ELAVL3: variants seen among roughly 807,000 people sequenced by gnomAD.
ELAVL3 encodes ELAV like RNA binding protein 3.
Under a neutral mutation model 34.2 loss-of-function variants are expected in ELAVL3, and 8 were observed. The observed-to-expected ratio is 0.23, with a 90% CI of 0.14 to 0.42. ELAVL3 has a LOEUF of 0.42. Among genes scored for constraint, ELAVL3 ranks in the 10% least tolerant of loss-of-function variants. The pLI is 1.00. For missense variants in ELAVL3, 273 were observed against 518.8 expected (o/e 0.53, Z 4.60); for synonymous variants, 209 against 222.1 (o/e 0.94, Z 0.53).
In ELAVL3 at chr19:11,468,185, T is replaced by C. The variant is rs529095054; in HGVS notation, c.10-1358A>G. 8.5e-5 allele frequency among the ~76,000 whole-genome samples: 13 copies of C among 152,338 alleles called. No individual in the cohort carries two copies. The South Asian group carries it at 1.7e-3, about 19-fold the overall frequency. On this transcript the variant is annotated intron_variant, in intron 1 of 6. Coordinates refer to ENST00000359227, the MANE Select transcript of ELAVL3 (RefSeq NM_001420.4). The stretch of plus-strand genomic sequence containing the variant: ...ATTCCTATCCCAAATGTGCTAATTA[T>C]GTCTTTTGCTTCATGCATAAGTTTC...
chr19:11,466,844 G>C lies in ELAVL3; in HGVS notation c.10-17C>G. On this transcript the variant is annotated splice_polypyrimidine_tract_variant and intron_variant, in intron 1 of 6. Coordinates refer to ENST00000359227, the MANE Select transcript of ELAVL3 (RefSeq NM_001420.4). This position sits in a 1 kb window ranked among gnomAD's most constrained non-coding sequence, Gnocchi z 5.0. ...CAGTATCTGCTGGAGATAACAGGTC[G>C]CATCCGCTCACCGCCCAGTCCCCAC... 6.4e-7 allele frequency: 1 copy of C among 1,573,350 alleles called. No individual in the cohort carries two copies. Among genetic ancestry groups the C allele is most frequent in the Non-Finnish European group, 8.6e-7 (1 of 1,158,126 alleles).
At chr19:11,471,932 C>G (rs694857) in intron 1 of ELAVL3, among the ~76,000 whole-genome samples, 45,236 of 152,166 alleles carry the variant, frequency 0.3, 11,335 homozygotes, top group African/African-American at 0.69. Context: ...AAATCAGCAG[C>G]AAACAGTGCT....
chr19:11,481,023 C>A lies in ELAVL3; in HGVS notation c.-415G>T, dbSNP rs1324874772. The A allele has an allele frequency of 5.8e-6, 1 of 172,304 alleles. No individual in the cohort carries two copies. Among genetic ancestry groups the A allele is most frequent in the Non-Finnish European group, 1.2e-5 (1 of 81,982 alleles). 10.7% of individuals were successfully genotyped at this position (172,304 alleles called of 1,614,324 possible). A position where few individuals can be genotyped will look rare whatever the true frequency, so the allele number is the denominator to read the frequency against. ...GCCCACCCTCCCTCCCTCCCTCCGG[C>A]CCGCGCTGCGCGCTCCGCGCTCTGG... is the stretch of plus-strand genomic sequence containing the variant. On this transcript the variant is annotated 5_prime_UTR_variant, in exon 1 of 7. Coordinates refer to ENST00000359227, the MANE Select transcript of ELAVL3 (RefSeq NM_001420.4). This position sits in a 1 kb window ranked among gnomAD's most constrained non-coding sequence, Gnocchi z 6.3.
chr19:11,462,036 G>A (rs185252535), intron 3 of ELAVL3, among the ~76,000 whole-genome samples: 14 of 152,082 alleles, frequency 9.2e-5, no homozygotes, highest in African/African-American at 2.9e-4. Flanking sequence ...TTAGCCAGGC[G>A]TGGTGGCGGG....
In ELAVL3 at chr19:11,451,440, G is replaced by A. The variant is rs1266041055; in HGVS notation, c.*3086C>T. 1 of 144,910 alleles carries A rather than the reference G, an allele frequency of 6.9e-6. No individual in the cohort carries two copies. The highest frequency in any genetic ancestry group is 1.5e-5 in the Non-Finnish European group (1 of 66,136). The allele number at this position is 144,910 out of a possible 1,614,324, so 9.0% of individuals were successfully genotyped here. A position where few individuals can be genotyped will look rare whatever the true frequency, so the allele number is the denominator to read the frequency against. ...GATCCCGGTAATAAATAGTCTAAACGCAACGCGAAGTGTTCTTGTTGGGTT... is the reference window on the plus strand; with the variant it reads ...GATCCCGGTAATAAATAGTCTAAACACAACGCGAAGTGTTCTTGTTGGGTT... On this transcript the variant is annotated 3_prime_UTR_variant, in exon 7 of 7. Coordinates refer to ENST00000359227, the MANE Select transcript of ELAVL3 (RefSeq NM_001420.4).
At chr19:11,457,989 G>C (rs1260696259) in intron 5 of ELAVL3, 72 bp downstream of exon 5, 1 of 1,500,064 alleles carries the variant, frequency 6.7e-7, no homozygotes, top group Non-Finnish European at 9.1e-7. Context: ...CCTTCGGCAG[G>C]AATGGGGTTC....
intron 6 of ELAVL3, among the ~76,000 whole-genome samples, chr19:11,456,695 G>T (rs138666713): frequency 1.3e-5 from 2 of 148,734 alleles, no homozygotes; most frequent in East Asian, 2.0e-4. Flanking sequence ...ATAAGGTCTC[G>T]CTCTGTCACC....
chr19:11,458,620 G>A lies in ELAVL3; in HGVS notation c.334-9C>T. The A allele has an allele frequency of 6.2e-7, 1 of 1,613,268 alleles. No individual in the cohort carries two copies. On this transcript the variant is annotated splice_polypyrimidine_tract_variant and intron_variant, in intron 3 of 6. Coordinates refer to ENST00000359227, the MANE Select transcript of ELAVL3 (RefSeq NM_001420.4). This position sits in a 1 kb window ranked among gnomAD's most constrained non-coding sequence, Gnocchi z 7.3. Reference sequence around the variant, plus strand: ...GGTCTGGCATAGGACACCTGGGTGAGGGGGTCAGATGGACAGGGGTGAGGC... The same window carrying A: ...GGTCTGGCATAGGACACCTGGGTGAAGGGGTCAGATGGACAGGGGTGAGGC...
intron 6 of ELAVL3, among the ~76,000 whole-genome samples, chr19:11,455,427 A>T (rs1970748132): frequency 6.6e-6 from 1 of 151,524 alleles, no homozygotes; most frequent in South Asian, 2.1e-4. Flanking sequence ...CAGCCTCCCG[A>T]GTAGCACCTG....
At chr19:11,464,077 C>T (rs905285338) in intron 3 of ELAVL3, among the ~76,000 whole-genome samples, 1 of 150,198 alleles carries the variant, frequency 6.7e-6, no homozygotes, top group African/African-American at 2.5e-5. Flanking sequence ...ACAGCAGCCT[C>T]TCTCTCCCTC....
In ELAVL3 at chr19:11,466,856, C is replaced by A. The variant is rs754381032; in HGVS notation, c.10-29G>T. On this transcript the variant is annotated intron_variant, in intron 1 of 6. Coordinates refer to ENST00000359227, the MANE Select transcript of ELAVL3 (RefSeq NM_001420.4). This position sits in a 1 kb window ranked among gnomAD's most constrained non-coding sequence, Gnocchi z 5.0. ...GAGATAACAGGTCGCATCCGCTCAC[C>A]GCCCAGTCCCCACACCAGGGGCCTG... 6.4e-7 allele frequency: 1 copy of A among 1,552,100 alleles called. No homozygotes were observed. The highest frequency in any genetic ancestry group is 1.4e-5 in the African/African-American group (1 of 73,308).
intron 1 of ELAVL3, among the ~76,000 whole-genome samples, chr19:11,475,114 C>T (rs1286964519): frequency 2.6e-5 from 4 of 152,082 alleles, no homozygotes; most frequent in East Asian, 1.9e-4. Flanking sequence ...CATGAGCCAC[C>T]GCACCCGGCC....
At chr19:11,464,167 A>ATTTTTTTT (rs1236599277) in intron 3 of ELAVL3, among the ~76,000 whole-genome samples, 7 of 103,850 alleles carry the variant, frequency 6.7e-5, no homozygotes, top group African/African-American at 3.0e-4. Flanking sequence ...ATATATATAT[A>ATTTTTTTT]TTTTTTTTTT....
At chr19:11,475,120 C>T (rs1028025121) in intron 1 of ELAVL3, among the ~76,000 whole-genome samples, 12 of 151,982 alleles carry the variant, frequency 7.9e-5, no homozygotes, top group African/African-American at 1.9e-4. Flanking sequence ...CCACCGCACC[C>T]GGCCTAATAC....
At position 11,480,522 on chromosome 19, in the gene ELAVL3, C is replaced by T; in HGVS notation, c.9+78G>A. ...AGGCCTGGTCCTACCCCCCCCGCCG[C>T]ACCCGCCCAATCTCCGCGGAGCCTG... On this transcript the variant is annotated intron_variant, in intron 1 of 6. Transcript: ENST00000359227. This position sits in a 1 kb window ranked among gnomAD's most constrained non-coding sequence, Gnocchi z 6.8. 1 of 1,436,794 alleles carries T rather than the reference C, an allele frequency of 7.0e-7. No homozygotes were observed. 89.0% of individuals were successfully genotyped at this position (1,436,794 alleles called of 1,614,324 possible).
In ELAVL3 at chr19:11,458,042, T is replaced by G. The variant is rs754842000; in HGVS notation, c.713+19A>C. The stretch of plus-strand genomic sequence containing the variant: ...TGGGGGCACCCGGCCTGGGGCCATC[T>G]GGCTGGCAGGGGGCTCACCGGAAAC... On this transcript the variant is annotated intron_variant, in intron 5 of 6. Transcript: ENST00000359227. The surrounding 1 kb of genome is among the most constrained non-coding windows in gnomAD (Gnocchi z 7.3). The G allele has an allele frequency of 6.2e-7, 1 of 1,608,156 alleles. No homozygotes were observed. Among genetic ancestry groups the G allele is most frequent in the Non-Finnish European group, 8.5e-7 (1 of 1,179,492 alleles).
intron 1 of ELAVL3, among the ~76,000 whole-genome samples, chr19:11,479,463 G>A (rs969257705): frequency 3.3e-5 from 5 of 152,140 alleles, no homozygotes; most frequent in African/African-American, 1.2e-4. Context: ...TAGGAAGAGT[G>A]GAAGAGGGAG....
intron 1 of ELAVL3, among the ~76,000 whole-genome samples, chr19:11,477,556 C>T (rs1831919747): frequency 6.6e-6 from 1 of 151,792 alleles, no homozygotes; most frequent in Admixed American, 6.6e-5. Context: ...ATGACTGGCC[C>T]TGGAGATGGA....
chr19:11,476,878 G>A (rs1048157442), intron 1 of ELAVL3, among the ~76,000 whole-genome samples: 5 of 151,552 alleles, frequency 3.3e-5, no homozygotes, highest in Non-Finnish European at 7.4e-5. Flanking sequence ...TAGCCTGGGC[G>A]ACAGAGAAAG....
Sources: allele counts gnomAD v4.1 joint callset (sites outside exome capture counted in the v4.1 genomes callset), GRCh38; gene constraint gnomAD v4.1.1; non-coding constraint Gnocchi (gnomAD v3.1); transcripts MANE v1.5; gene names NCBI Gene and HGNC (gene_info 2026-07-23, HGNC 2026-07-21).